Variants in KCNAB1 observed in about 807,000 individuals in gnomAD.
KCNAB1 encodes voltage-gated potassium channel subunit beta-1.
In KCNAB1, 35 loss-of-function variants were observed where a neutral mutation model predicts 64.6. That is an observed-to-expected ratio of 0.54 (90% CI 0.41 to 0.72). KCNAB1 has a LOEUF of 0.72. Ranked by LOEUF, KCNAB1 falls within the 30% of genes least tolerant of loss-of-function variation. The pLI, the probability that KCNAB1 is intolerant of heterozygous loss-of-function variation, is 0.00. For missense variants in KCNAB1, 401 were observed against 512.9 expected (o/e 0.78, Z 2.11); for synonymous variants, 177 against 183.8 (o/e 0.96, Z 0.30).
At position 156,246,332 on chromosome 3, in the gene KCNAB1, G is replaced by C. The variant is rs141638808; in HGVS notation, c.275+125446G>C. ...GTCTAAAAGTTAACATAGGCCAGGC[G>C]CGGTGGCTCACGCCTGTAATCCCAG... On this transcript the variant is annotated intron_variant, in intron 1 of 13. Coordinates refer to ENST00000490337, the MANE Select transcript of KCNAB1 (RefSeq NM_172160.3). 2.6e-5 allele frequency among the ~76,000 whole-genome samples: 4 copies of C among 152,210 alleles called. No homozygotes were observed. In the South Asian group the frequency reaches 8.3e-4, roughly 32 times the overall value.
intron 11 of KCNAB1, among the ~76,000 whole-genome samples, chr3:156,520,279 T>C (rs1041991717): frequency 1.3e-5 from 2 of 152,160 alleles, no homozygotes; most frequent in African/African-American, 4.8e-5. Flanking sequence ...GATGGCAAAA[T>C]GCTTTCTAGA....
intron 2 of KCNAB1, among the ~76,000 whole-genome samples, chr3:156,424,987 C>T (rs972812216): frequency 1.3e-5 from 2 of 152,230 alleles, no homozygotes; most frequent in African/African-American, 4.8e-5. Flanking sequence ...CTTGAATAAG[C>T]ACTCTTTCAG....
intron 1 of KCNAB1, among the ~76,000 whole-genome samples, chr3:156,223,486 G>A (rs2108419540): frequency 6.6e-6 from 1 of 152,250 alleles, no homozygotes; most frequent in African/African-American, 2.4e-5. Context: ...AGACACAAAA[G>A]TGCTCCAAGT....
chr3:156,410,015 C>G (rs1339958718), intron 1 of KCNAB1, among the ~76,000 whole-genome samples: 1 of 152,126 alleles, frequency 6.6e-6, no homozygotes, highest in Non-Finnish European at 1.5e-5. Flanking sequence ...ACTGAGTAAG[C>G]ATGTGCTGGA....
At chr3:156,303,169 T>C (rs1010581004) in intron 1 of KCNAB1, among the ~76,000 whole-genome samples, 2 of 152,198 alleles carry the variant, frequency 1.3e-5, no homozygotes, top group African/African-American at 4.8e-5. Context: ...GCCTGGGTGT[T>C]CCCCAGTTCT....
At chr3:156,213,300 C>G (rs2108397897) in intron 1 of KCNAB1, among the ~76,000 whole-genome samples, 1 of 151,444 alleles carries the variant, frequency 6.6e-6, no homozygotes, top group East Asian at 2.0e-4. Context: ...CTCACTGCAG[C>G]CTCAAATTTT....
At chr3:156,413,157 G>C (rs144973719) in intron 1 of KCNAB1, among the ~76,000 whole-genome samples, 1,706 of 152,304 alleles carry the variant, frequency 0.011, 28 homozygotes, top group African/African-American at 0.039. Context: ...TAACTGGAGA[G>C]GTAGAGGGAC....
chr3:156,120,545 A>G, upstream of KCNAB1: 1 of 1,580,976 alleles, frequency 6.3e-7, no homozygotes, highest in Non-Finnish European at 8.6e-7. Flanking sequence ...GGGAGGCAGA[A>G]GCAGAAAAAT....
intron 1 of KCNAB1, among the ~76,000 whole-genome samples, chr3:156,202,968 C>T (rs1028790197): frequency 5.9e-5 from 9 of 151,802 alleles, no homozygotes; most frequent in African/African-American, 1.5e-4. Flanking sequence ...TAGTTTTTAC[C>T]GCTAGGGTTA....
At chr3:156,383,197 T>C (rs1454347378) in intron 1 of KCNAB1, among the ~76,000 whole-genome samples, 1 of 152,168 alleles carries the variant, frequency 6.6e-6, no homozygotes, top group Non-Finnish European at 1.5e-5. Flanking sequence ...AGCAGCTATA[T>C]AGTTGGGAGC....
At chr3:156,280,708 G>A (rs972370637) in intron 1 of KCNAB1, among the ~76,000 whole-genome samples, 1 of 150,986 alleles carries the variant, frequency 6.6e-6, no homozygotes, top group Non-Finnish European at 1.5e-5. Flanking sequence ...GGATTCCTAG[G>A]TATTTTATTC....
intron 1 of KCNAB1, among the ~76,000 whole-genome samples, chr3:156,299,061 CAGTT>C (rs1190504925): frequency 1.3e-5 from 2 of 152,264 alleles, no homozygotes; most frequent in African/African-American, 4.8e-5. Context: ...ATAGATTGGC[CAGTT>C]AGTTCCTTGG....
chr3:156,463,609 C>G, intron 5 of KCNAB1, 93 bp from the exon 6 acceptor site: 1 of 1,016,690 alleles, frequency 9.8e-7, no homozygotes, highest in Non-Finnish European at 1.5e-6. Context: ...GGTATAATAA[C>G]AAATTCTTTC....
chr3:156,517,729 C>G (rs915613444), intron 11 of KCNAB1, among the ~76,000 whole-genome samples: 1 of 152,218 alleles, frequency 6.6e-6, no homozygotes, highest in South Asian at 2.1e-4. Context: ...TTGAGCTAAG[C>G]ATGTTGTCAT....
At chr3:156,502,419 C>G (rs1716507144) in intron 8 of KCNAB1, among the ~76,000 whole-genome samples, 1 of 151,844 alleles carries the variant, frequency 6.6e-6, no homozygotes. Flanking sequence ...GACAAAAGTA[C>G]TCTAGAACAT....
chr3:156,515,099 G>T lies in KCNAB1; in HGVS notation c.745-1G>T, dbSNP rs1460443204. The T allele has an allele frequency of 6.2e-7, 1 of 1,600,228 alleles. No homozygotes were observed. Among genetic ancestry groups the T allele is most frequent in the South Asian group, 1.1e-5 (1 of 87,986 alleles). ...TTGGTTGTAATCTCATTCCTCCCTA[G>T]GAAGCCTATTCTGTAGCAAGACAGT... On this transcript the variant is annotated splice_acceptor_variant, in intron 9 of 13. Coordinates refer to ENST00000490337, the MANE Select transcript of KCNAB1 (RefSeq NM_172160.3). LOFTEE classifies it high-confidence loss of function.
chr3:156,196,875 G>T (rs1160537258), intron 1 of KCNAB1, among the ~76,000 whole-genome samples: 3 of 152,260 alleles, frequency 2.0e-5, no homozygotes, highest in Admixed American at 6.5e-5. Flanking sequence ...TCCCTGACTT[G>T]TGCCAATTTT....
At chr3:156,368,812 A>G (rs185679055) in intron 1 of KCNAB1, among the ~76,000 whole-genome samples, 39 of 152,344 alleles carry the variant, frequency 2.6e-4, no homozygotes, top group Admixed American at 1.6e-3. Context: ...TGACCACTCA[A>G]TGTTATTCCA....
At chr3:156,212,281 GT>G (rs964564880) in intron 1 of KCNAB1, among the ~76,000 whole-genome samples, 2 of 152,130 alleles carry the variant, frequency 1.3e-5, no homozygotes, top group Non-Finnish European at 2.9e-5. Context: ...TTTCCCAGGG[GT>G]ATTTTCAGTT....
Sources: allele counts gnomAD v4.1 joint callset (sites outside exome capture counted in the v4.1 genomes callset), GRCh38; gene constraint gnomAD v4.1.1; transcripts MANE v1.5; gene names NCBI Gene and HGNC (gene_info 2026-07-23, HGNC 2026-07-21).